The following ZNF536 variants were observed in gnomAD, a reference collection of about 807,000 sequenced individuals.
The protein encoded by ZNF536 is zinc finger protein 536.
A neutral mutation model predicts 84.5 loss-of-function variants in ZNF536; 13 were observed. The observed-to-expected ratio is 0.15, with a 90% CI of 0.10 to 0.24. The LOEUF is 0.24. Among genes scored for constraint, ZNF536 ranks in the 10% least tolerant of loss-of-function variants. The probability of loss-of-function intolerance (pLI) is 1.00; values close to 1 mark genes in which losing one functional copy is unlikely to be tolerated. For synonymous variants in ZNF536, 811 were observed against 742.5 expected (o/e 1.09, Z -1.50); for missense variants, 1,536 against 1,747.5 (o/e 0.88, Z 2.16).
chr19:30,521,969 A>G (rs77602087), intron 2 of ZNF536, among the ~76,000 whole-genome samples: 5,028 of 152,128 alleles, frequency 0.033, 129 homozygotes, highest in South Asian at 0.12. Flanking sequence ...TAAAAGTGTC[A>G]CAGTTGTATT....
At chr19:30,423,803 C>T (rs10406409) in intron 1 of ZNF536, among the ~76,000 whole-genome samples, 84,807 of 144,228 alleles carry the variant, frequency 0.59, 24,648 homozygotes, top group Non-Finnish European at 0.62. Context: ...TGGCGGGGAA[C>T]GGGGGCCTGG....
At chr19:30,387,931 G>T (rs912488269) in intron 1 of ZNF536, among the ~76,000 whole-genome samples, 6 of 152,144 alleles carry the variant, frequency 3.9e-5, no homozygotes, top group Non-Finnish European at 8.8e-5. Flanking sequence ...GGCCCTGGAG[G>T]GGGCTGTGTG....
chr19:30,538,759 G>A (rs1199312805), intron 3 of ZNF536, among the ~76,000 whole-genome samples: 2 of 152,308 alleles, frequency 1.3e-5, no homozygotes, highest in African/African-American at 2.4e-5. Flanking sequence ...TCCTCATGGA[G>A]ACATTACCCT....
At chr19:30,567,122 A>G (rs1410254017) in intron 1 of ZNF536, among the ~76,000 whole-genome samples, 1 of 152,192 alleles carries the variant, frequency 6.6e-6, no homozygotes, top group Non-Finnish European at 1.5e-5. Context: ...CTGTGCCTTT[A>G]ATACACATTT....
At chr19:30,248,992 T>C (rs955950545) in intron 1 of ZNF536, among the ~76,000 whole-genome samples, 10 of 152,172 alleles carry the variant, frequency 6.6e-5, no homozygotes, top group Non-Finnish European at 1.2e-4. Flanking sequence ...AGATCCTTGG[T>C]TGTGCATAAT....
chr19:30,674,619 C>T (rs1318124829), intron 1 of ZNF536, among the ~76,000 whole-genome samples: 4 of 152,190 alleles, frequency 2.6e-5, no homozygotes, highest in African/African-American at 9.6e-5. Context: ...AGTGACCCCA[C>T]CTGAGAGGTG....
intron 3 of ZNF536, among the ~76,000 whole-genome samples, chr19:30,542,601 A>G (rs1161346465): frequency 6.6e-6 from 1 of 152,146 alleles, no homozygotes; most frequent in African/African-American, 2.4e-5. Context: ...CTTAAAATAT[A>G]GTGAGAGGTT....
intron 1 of ZNF536, among the ~76,000 whole-genome samples, chr19:30,270,572 G>A (rs1046648377): frequency 6.6e-6 from 1 of 152,190 alleles, no homozygotes; most frequent in African/African-American, 2.4e-5. Flanking sequence ...CCGTAAACAG[G>A]TGCACCCATT....
intron 1 of ZNF536, among the ~76,000 whole-genome samples, chr19:30,250,987 C>T (rs894394658): frequency 6.6e-5 from 10 of 151,786 alleles, no homozygotes; most frequent in African/African-American, 2.2e-4. Flanking sequence ...TGATGTTACA[C>T]GGGGTTTAGG....
intron 2 of ZNF536, among the ~76,000 whole-genome samples, chr19:30,503,860 A>AT (rs1166083081): frequency 6.6e-6 from 1 of 150,526 alleles, no homozygotes; most frequent in African/African-American, 2.4e-5. Context: ...ATTTTTATTC[A>AT]TTTAGAAATA....
intron 2 of ZNF536, among the ~76,000 whole-genome samples, chr19:30,304,275 C>T (rs375226062): frequency 9.8e-5 from 15 of 152,324 alleles, no homozygotes; most frequent in African/African-American, 3.1e-4. Flanking sequence ...TCTGAGAAAA[C>T]GGCGCAGACG....
chr19:30,267,904 G>A (rs1003243380), intron 1 of ZNF536, among the ~76,000 whole-genome samples: 1 of 151,730 alleles, frequency 6.6e-6, no homozygotes, highest in Admixed American at 6.6e-5. Flanking sequence ...CACACACACA[G>A]AAAGAGAGAG....
At chr19:30,605,943 A>T (rs1413421853) in intron 1 of ZNF536, among the ~76,000 whole-genome samples, 1 of 151,980 alleles carries the variant, frequency 6.6e-6, no homozygotes, top group Non-Finnish European at 1.5e-5. Flanking sequence ...GACTTTGGCC[A>T]TTTGAAAAGC....
intron 3 of ZNF536, among the ~76,000 whole-genome samples, chr19:30,362,036 GT>G (rs2048291604): frequency 7.6e-5 from 1 of 13,164 alleles, no homozygotes; most frequent in Non-Finnish European, 2.3e-4. Flanking sequence ...TGGTCCTACT[GT>G]ACTGCGGGTG....
At chr19:30,417,506 A>G (rs2050783983) in intron 1 of ZNF536, among the ~76,000 whole-genome samples, 1 of 152,148 alleles carries the variant, frequency 6.6e-6, no homozygotes, top group Non-Finnish European at 1.5e-5. Flanking sequence ...TGTTATTTAA[A>G]TTTCGACTTT....
chr19:30,485,593 TTTTTTTCTTC>T (rs2054272573), intron 2 of ZNF536, among the ~76,000 whole-genome samples: 1 of 139,156 alleles, frequency 7.2e-6, no homozygotes, highest in African/African-American at 3.1e-5. Context: ...GCAGTGGATC[TTTTTTTCTTC>T]TTTTTTTTTT....
intron 1 of ZNF536, among the ~76,000 whole-genome samples, chr19:30,601,932 A>G (rs1213527439): frequency 6.6e-6 from 1 of 152,166 alleles, no homozygotes; most frequent in Non-Finnish European, 1.5e-5. Flanking sequence ...ACTGTGTTTC[A>G]TGCCTTTGCC....
chr19:30,573,837 C>T (rs1423856314), intron 1 of ZNF536, among the ~76,000 whole-genome samples: 3 of 152,178 alleles, frequency 2.0e-5, no homozygotes, highest in African/African-American at 7.2e-5. Context: ...TGAAGTTTCA[C>T]TCCATGCTGA....
chr19:30,499,240 C>T (rs1048057550), intron 2 of ZNF536, among the ~76,000 whole-genome samples: 14 of 149,926 alleles, frequency 9.3e-5, no homozygotes, highest in Admixed American at 6.7e-4. Flanking sequence ...TTTTGAGGGC[C>T]TATCTGTTCA....
Sources: allele counts gnomAD v4.1 joint callset (sites outside exome capture counted in the v4.1 genomes callset), GRCh38; gene constraint gnomAD v4.1.1; transcripts MANE v1.5; gene names NCBI Gene and HGNC (gene_info 2026-07-23, HGNC 2026-07-21).